The following CDC73 variants were observed in gnomAD, a reference collection of about 807,000 sequenced individuals.
CDC73 encodes the protein cell division cycle 73, also known as parafibromin.
A neutral mutation model predicts 83.7 loss-of-function variants in CDC73; 21 were observed. That is an observed-to-expected ratio of 0.25 (90% confidence interval 0.18 to 0.36). CDC73 has a LOEUF of 0.36. Ranked by LOEUF, CDC73 falls within the 10% of genes least tolerant of loss-of-function variation. The pLI, the probability that CDC73 is intolerant of heterozygous loss-of-function variation, is 1.00. For missense variants in CDC73, 342 were observed against 653.3 expected (o/e 0.52, Z 5.19); for synonymous variants, 224 against 212.9 (o/e 1.05, Z -0.45).
chr1:193,188,823 G>T (rs1416926578), intron 10 of CDC73, among the ~76,000 whole-genome samples: 1 of 152,042 alleles, frequency 6.6e-6, no homozygotes, highest in Non-Finnish European at 1.5e-5. Flanking sequence ...GCCCCGAACT[G>T]CTTGTTATGG....
chr1:193,211,102 C>G (rs567256936), intron 11 of CDC73, among the ~76,000 whole-genome samples: 11 of 152,262 alleles, frequency 7.2e-5, no homozygotes, highest in African/African-American at 2.6e-4. Context: ...GTAAGATACT[C>G]AGTGCCTGGC....
Position 193,147,891 on chromosome 1 carries a change from A to G in CDC73, c.754A>G (p.Ile252Val), listed in dbSNP as rs374290883. The change falls in exon 8 of 17, where the codon ATT becomes GTT. Residue 252 changes from isoleucine to valine, a missense_variant. Physicochemically the swap from Ile to Val is conservative, Grantham distance 29. Transcript: ENST00000367435. ...GKNFSKNIFA[I>V]LQSVKAREEG... ...GAATTTTTCCAAGAACATTTTTGCA[A>G]TTCTTCAATCTGTAAAAGCCAGAGA... The G allele has an allele frequency of 5.6e-6, 9 of 1,611,612 alleles. No individual in the cohort carries two copies. The highest frequency in any genetic ancestry group is 4.5e-5 in the East Asian group (2 of 44,828).
intron 10 of CDC73, among the ~76,000 whole-genome samples, chr1:193,155,452 A>T (rs567737474): frequency 7.2e-5 from 11 of 152,184 alleles, no homozygotes; most frequent in African/African-American, 2.6e-4. Flanking sequence ...TTTTCCCCCA[A>T]ATTTGTTGCT....
At chr1:193,126,398 A>G (rs1160071958) in intron 2 of CDC73, among the ~76,000 whole-genome samples, 1 of 152,228 alleles carries the variant, frequency 6.6e-6, no homozygotes, top group Non-Finnish European at 1.5e-5. Flanking sequence ...TTCATAAACT[A>G]TGATGATGAG....
intron 8 of CDC73, among the ~76,000 whole-genome samples, chr1:193,148,861 C>A (rs1011762733): frequency 6.6e-6 from 1 of 151,282 alleles, no homozygotes; most frequent in Non-Finnish European, 1.5e-5. Context: ...AAGACCAGGC[C>A]GGTCTTGAAC....
chr1:193,221,950 T>G (rs1677477482), intron 13 of CDC73, among the ~76,000 whole-genome samples: 1 of 152,128 alleles, frequency 6.6e-6, no homozygotes, highest in Non-Finnish European at 1.5e-5. Context: ...GATAGAAATA[T>G]CCAACTTGCA....
At chr1:193,213,480 G>A (rs748776925) in intron 13 of CDC73, among the ~76,000 whole-genome samples, 14 of 151,908 alleles carry the variant, frequency 9.2e-5, no homozygotes, top group Non-Finnish European at 1.2e-4. Flanking sequence ...GTCAGAATGC[G>A]TTTTATGAAA....
chr1:193,143,399 A>G (rs1286429169), intron 7 of CDC73, among the ~76,000 whole-genome samples: 2 of 152,298 alleles, frequency 1.3e-5, no homozygotes, highest in East Asian at 3.9e-4. Flanking sequence ...CTCATAGTAG[A>G]AGAATAAAAA....
chr1:193,126,217 T>C (rs940165178), intron 2 of CDC73, among the ~76,000 whole-genome samples: 1 of 152,226 alleles, frequency 6.6e-6, no homozygotes, highest in Non-Finnish European at 1.5e-5. Flanking sequence ...TTTTTTTGGT[T>C]GTAAGGATTA....
chr1:193,187,493 C>A (rs1676837234), intron 10 of CDC73, among the ~76,000 whole-genome samples: 1 of 152,142 alleles, frequency 6.6e-6, no homozygotes, highest in Non-Finnish European at 1.5e-5. Context: ...CTGGGGCTGG[C>A]ACCTTCTTTT....
intron 10 of CDC73, among the ~76,000 whole-genome samples, chr1:193,160,763 T>C (rs1676295208): frequency 6.6e-6 from 1 of 152,072 alleles, no homozygotes; most frequent in African/African-American, 2.4e-5. Flanking sequence ...TTAATGTCCC[T>C]TTTAACTTTA....
intron 3 of CDC73, among the ~76,000 whole-genome samples, chr1:193,133,272 TTAATG>T (rs750071732): frequency 2.0e-5 from 3 of 152,164 alleles, no homozygotes; most frequent in Non-Finnish European, 2.9e-5. Context: ...ATTTAATAGT[TTAATG>T]AAAAGGTTGA....
chr1:193,210,002 A>AC (rs1677249775), intron 11 of CDC73, among the ~76,000 whole-genome samples: 1 of 152,186 alleles, frequency 6.6e-6, no homozygotes, highest in African/African-American at 2.4e-5. Flanking sequence ...CCAAATATTT[A>AC]CCGAGACTAT....
intron 15 of CDC73, among the ~76,000 whole-genome samples, chr1:193,239,506 A>G (rs1383648687): frequency 3.3e-5 from 5 of 152,214 alleles, no homozygotes; most frequent in Non-Finnish European, 5.9e-5. Flanking sequence ...GCCAAATAAA[A>G]TCTTTACAAA....
rs377017445 is a variant in CDC73, at chr1:193,222,124, C to G, written c.1154+9647C>G. On this transcript the variant is annotated intron_variant, in intron 13 of 16. Coordinates refer to ENST00000367435, the MANE Select transcript of CDC73 (RefSeq NM_024529.5). ...GAAGTATTTTAAAAAATACACTTTA[C>G]ATCTATAAACATGATCATGAAAGTT... Among the ~76,000 whole-genome samples the G allele has an allele frequency of 3.3e-5, 5 of 152,046 alleles. No homozygotes were observed. In the East Asian group the frequency reaches 7.7e-4, roughly 23 times the overall value.
At chr1:193,226,046 C>T (rs1352982279) in intron 13 of CDC73, among the ~76,000 whole-genome samples, 3 of 151,840 alleles carry the variant, frequency 2.0e-5, no homozygotes, top group Non-Finnish European at 4.4e-5. Context: ...AGGTCTTTGT[C>T]CTTGATGTGT....
chr1:193,122,089 T>A lies in CDC73; in HGVS notation c.-112T>A, dbSNP rs1240344151. 2 of 1,027,700 alleles carry A rather than the reference T, an allele frequency of 1.9e-6. No individual in the cohort carries two copies. Among genetic ancestry groups the A allele is most frequent in the Admixed American group, 2.0e-5 (1 of 50,658 alleles). 63.7% of individuals were successfully genotyped at this position (1,027,700 alleles called of 1,614,324 possible). On this transcript the variant is annotated 5_prime_UTR_variant, in exon 1 of 17. Transcript: ENST00000367435. Reference sequence around the variant, plus strand: ...GGCTGTTAGTGCTGCTGCTGTTGGTTCGTCGCGGCGGCGAAGGAGGAGGAG... The same window carrying A: ...GGCTGTTAGTGCTGCTGCTGTTGGTACGTCGCGGCGGCGAAGGAGGAGGAG...
chr1:193,235,557 A>G (rs990889579), intron 14 of CDC73, among the ~76,000 whole-genome samples: 6 of 152,274 alleles, frequency 3.9e-5, no homozygotes, highest in South Asian at 4.1e-4. Flanking sequence ...TAATTTCTCA[A>G]TTCAATTAAG....
intron 10 of CDC73, among the ~76,000 whole-genome samples, chr1:193,167,506 GT>G (rs949225022): frequency 6.6e-6 from 1 of 152,060 alleles, no homozygotes; most frequent in Admixed American, 6.5e-5. Flanking sequence ...TTAAGCAGTA[GT>G]GAAAGGCTAA....
Sources: gnomAD v4.1 joint callset for allele counts (sites outside exome capture counted in the v4.1 genomes callset) on GRCh38, gnomAD v4.1.1 for gene constraint, MANE v1.5 for transcripts, NCBI Gene and HGNC (gene_info 2026-07-23, HGNC 2026-07-21) for gene names.